Variants in RPS6KA2 observed in about 807,000 individuals in gnomAD.
The protein encoded by RPS6KA2 is ribosomal protein S6 kinase A2.
Under a neutral mutation model 91.8 loss-of-function variants are expected in RPS6KA2, and 42 were observed. The observed-to-expected ratio is 0.46, with a 90% CI of 0.36 to 0.59. The LOEUF is 0.59. Among genes scored for constraint, RPS6KA2 ranks in the 20% least tolerant of loss-of-function variants. The probability of loss-of-function intolerance (pLI) is 0.00; values close to 1 mark genes in which losing one functional copy is unlikely to be tolerated. For synonymous variants in RPS6KA2, 414 were observed against 393.6 expected, an observed-to-expected ratio of 1.05 and a Z score of -0.61; for missense variants, 798 against 978.5, an observed-to-expected ratio of 0.82 and a Z score of 2.46.
chr6:166,673,803 G>A (rs1406512171), intron 2 of RPS6KA2, among the ~76,000 whole-genome samples: 1 of 152,212 alleles, frequency 6.6e-6, no homozygotes, highest in Non-Finnish European at 1.5e-5. Context: ...CAAAGATTGG[G>A]CAGCCCTGCC....
At chr6:166,705,705 CAT>C (rs1430957583) in intron 2 of RPS6KA2, among the ~76,000 whole-genome samples, 1 of 152,160 alleles carries the variant, frequency 6.6e-6, no homozygotes, top group African/African-American at 2.4e-5. Flanking sequence ...CAATCCTAGA[CAT>C]AGACACTCCA....
intron 2 of RPS6KA2, among the ~76,000 whole-genome samples, chr6:166,780,130 C>T (rs958712199): frequency 2.6e-5 from 4 of 152,324 alleles, no homozygotes; most frequent in South Asian, 2.1e-4. Context: ...CAATGAGTAG[C>T]GTCACTGTGA....
intron 11 of RPS6KA2, among the ~76,000 whole-genome samples, chr6:166,460,488 G>C (rs1198562983): frequency 1.3e-5 from 2 of 152,184 alleles, no homozygotes; most frequent in African/African-American, 2.4e-5. Flanking sequence ...AAGTGTGGAG[G>C]GGGAGGGGCA....
intron 1 of RPS6KA2, among the ~76,000 whole-genome samples, chr6:166,575,425 A>T (rs1391598291): frequency 2.0e-5 from 3 of 152,128 alleles, no homozygotes; most frequent in African/African-American, 7.2e-5. Flanking sequence ...AGCACTATGA[A>T]ATCCAAGGTT....
At chr6:166,752,540 T>C (rs1358726156) in intron 2 of RPS6KA2, among the ~76,000 whole-genome samples, 1 of 152,260 alleles carries the variant, frequency 6.6e-6, no homozygotes, top group Non-Finnish European at 1.5e-5. Context: ...AATGGGTTAT[T>C]AAATATTTAA....
In RPS6KA2 at chr6:166,450,463, C is replaced by T. The variant is rs1406556549; in HGVS notation, c.1206+640G>A. Among the ~76,000 whole-genome samples the T allele has an allele frequency of 2.8e-5, 4 of 145,420 alleles. No homozygotes were observed. The East Asian group carries it at 6.3e-4, about 23-fold the overall frequency. ...ACCACAGGAACCACCATGAGGACCA[C>T]CATGGCTACCACCCCAGGGACCACC... is the stretch of plus-strand genomic sequence containing the variant. On this transcript the variant is annotated intron_variant, in intron 13 of 20. Transcript: ENST00000265678.
chr6:166,697,279 C>T (rs1296137319), intron 2 of RPS6KA2, among the ~76,000 whole-genome samples: 5 of 152,108 alleles, frequency 3.3e-5, no homozygotes, highest in Non-Finnish European at 5.9e-5. Context: ...CATAGTGCAA[C>T]CCAAGAAATA....
At chr6:166,646,521 G>A (rs1347022790) in intron 2 of RPS6KA2, among the ~76,000 whole-genome samples, 2 of 152,242 alleles carry the variant, frequency 1.3e-5, no homozygotes, top group South Asian at 4.1e-4. Context: ...CATTGCATCT[G>A]TGCAGCGCAA....
intron 2 of RPS6KA2, among the ~76,000 whole-genome samples, chr6:166,844,895 C>T (rs1179344913): frequency 6.6e-6 from 1 of 152,040 alleles, no homozygotes; most frequent in African/African-American, 2.4e-5. Context: ...GGTATTCAGG[C>T]AACAAATAGC....
intron 2 of RPS6KA2, among the ~76,000 whole-genome samples, chr6:166,828,924 A>G (rs1780111752): frequency 6.6e-6 from 1 of 152,246 alleles, no homozygotes; most frequent in Non-Finnish European, 1.5e-5. Flanking sequence ...TGCAAATCAT[A>G]TATCAGATAA....
chr6:166,630,936 C>T (rs909575286), upstream of RPS6KA2, among the ~76,000 whole-genome samples: 1 of 152,188 alleles, frequency 6.6e-6, no homozygotes, highest in Admixed American at 6.5e-5. Context: ...GGGGCACGTT[C>T]GGAGCAGGTG....
intron 17 of RPS6KA2, among the ~76,000 whole-genome samples, chr6:166,422,526 C>T (rs1264738534): frequency 2.0e-5 from 3 of 152,202 alleles, no homozygotes; most frequent in Non-Finnish European, 4.4e-5. Flanking sequence ...TCCCCTGTCC[C>T]ATTGGCAACA....
chr6:166,737,339 T>A lies in RPS6KA2; in HGVS notation c.123+120861A>T, dbSNP rs1239919419. ...ACCCTTCACCCCAGCGGCAGCCTGG[T>A]GTGATAATTGGTAGGTAACCAGTTT... On this transcript the variant is annotated intron_variant, in intron 2 of 21. Transcript: ENST00000503859. The surrounding 1 kb of genome is among the most constrained non-coding windows in gnomAD (Gnocchi z 4.3). Among the ~76,000 whole-genome samples the A allele has an allele frequency of 6.6e-6, 1 of 152,164 alleles. No individual in the cohort carries two copies. The highest frequency in any genetic ancestry group is 2.4e-5 in the African/African-American group (1 of 41,436).
chr6:166,761,345 G>A (rs1017268829), intron 2 of RPS6KA2, among the ~76,000 whole-genome samples: 1 of 152,184 alleles, frequency 6.6e-6, no homozygotes, highest in Non-Finnish European at 1.5e-5. Flanking sequence ...ACACCTGGCT[G>A]CCTTTTATTT....
Position 166,715,443 on chromosome 6 carries a change from G to A in RPS6KA2, c.123+142757C>T, listed in dbSNP as rs545466413. Among the ~76,000 whole-genome samples the A allele has an allele frequency of 6.6e-5, 10 of 152,346 alleles. No homozygotes were observed. In the East Asian group the frequency reaches 1.9e-3, roughly 29 times the overall value. ...AAAAATGCTGGGTGAGAAGAGGAAT[G>A]AGAGACAGCTTATCCTAGCAAATAC... On this transcript the variant is annotated intron_variant, in intron 2 of 21. Transcript: ENST00000503859.
chr6:166,730,985 G>C (rs1182591405), intron 2 of RPS6KA2, among the ~76,000 whole-genome samples: 1 of 152,234 alleles, frequency 6.6e-6, no homozygotes, highest in Non-Finnish European at 1.5e-5. Context: ...GCTCTTGCCT[G>C]TAATCCCAGC....
intron 1 of RPS6KA2, among the ~76,000 whole-genome samples, chr6:166,621,760 T>A (rs1430953639): frequency 2.6e-5 from 4 of 152,244 alleles, no homozygotes; most frequent in Admixed American, 1.3e-4. Flanking sequence ...GTCCCCCATA[T>A]CAAAGGAGCA....
At chr6:166,471,215 C>A (rs1324272978) in intron 10 of RPS6KA2, among the ~76,000 whole-genome samples, 1 of 152,240 alleles carries the variant, frequency 6.6e-6, no homozygotes, top group Non-Finnish European at 1.5e-5. Context: ...GTGGTCAGCA[C>A]AGGTGTGGCC....
At chr6:166,629,558 T>A (rs984055952), upstream of RPS6KA2, among the ~76,000 whole-genome samples, 1 of 152,248 alleles carries the variant, frequency 6.6e-6, no homozygotes, top group Non-Finnish European at 1.5e-5. Context: ...CACTACTTCA[T>A]GTGATTATGT....
Sources: allele counts gnomAD v4.1 joint callset (sites outside exome capture counted in the v4.1 genomes callset), GRCh38; gene constraint gnomAD v4.1.1; non-coding constraint Gnocchi (gnomAD v3.1); transcripts MANE v1.5; gene names NCBI Gene and HGNC (gene_info 2026-07-23, HGNC 2026-07-21).